The following RBFOX3 variants were observed in gnomAD, a reference collection of about 807,000 sequenced individuals.
RBFOX3 encodes RNA binding protein fox-1 homolog 3.
A neutral mutation model predicts 48.7 loss-of-function variants in RBFOX3; 17 were observed. The ratio of observed to expected loss-of-function variants is 0.35; its 90% CI spans 0.24 to 0.52. The LOEUF (loss-of-function observed/expected upper bound fraction) is 0.52. Among genes scored for constraint, RBFOX3 ranks in the 20% least tolerant of loss-of-function variants. The pLI is 0.94. For missense variants in RBFOX3, 382 were observed against 497.5 expected, an observed-to-expected ratio of 0.77 and a Z score of 2.21; for synonymous variants, 212 against 209.5, an observed-to-expected ratio of 1.01 and a Z score of -0.10.
At chr17:79,632,741 T>TAA in the RBFOX3 span, among the ~76,000 whole-genome samples, 1,573 of 125,428 alleles carry the variant, frequency 0.013, 10 homozygotes, top group Non-Finnish European at 0.013. Context: ...ACGTATCTAC[T>TAA]AAAAAAAAAA....
intron 1 of RBFOX3, among the ~76,000 whole-genome samples, chr17:79,527,565 T>G (rs1014012001): frequency 1.3e-5 from 2 of 152,126 alleles, no homozygotes; most frequent in Admixed American, 6.5e-5. Flanking sequence ...GTGCCTCTGT[T>G]TCCCAACCCA....
In RBFOX3 at chr17:79,480,759, G is replaced by A. The variant is rs1386538465; in HGVS notation, c.-175+1695C>T. Among the ~76,000 whole-genome samples the A allele has an allele frequency of 6.6e-6, 1 of 152,128 alleles. No homozygotes were observed. Among genetic ancestry groups the A allele is most frequent in the Admixed American group, 6.5e-5 (1 of 15,272 alleles). On this transcript the variant is annotated intron_variant, in intron 2 of 14. Coordinates refer to ENST00000693108, the MANE Select transcript of RBFOX3 (RefSeq NM_001350451.2). The surrounding 1 kb of genome is among the most constrained non-coding windows in gnomAD (Gnocchi z 4.8). ...TCTTGGCTCACAACATCAGCACCGG[G>A]GCCTGCCCTTCTGTCCTGGGCAACT...
chr17:79,507,079 G>A (rs71387929), intron 1 of RBFOX3, among the ~76,000 whole-genome samples: 39,727 of 152,132 alleles, frequency 0.26, 5,438 homozygotes, highest in African/African-American at 0.32. Flanking sequence ...GCAGGAGAGC[G>A]GAGGAGCCTG....
intron 2 of RBFOX3, among the ~76,000 whole-genome samples, chr17:79,429,938 T>C (rs2068102173): frequency 6.6e-6 from 1 of 152,140 alleles, no homozygotes; most frequent in South Asian, 2.1e-4. Context: ...GTCCTTGACC[T>C]CTGCGAATCC....
At position 79,547,298 on chromosome 17, in the gene RBFOX3, T is replaced by C. The variant is rs540619271; in HGVS notation, c.-320+63528A>G. On this transcript the variant is annotated intron_variant, in intron 1 of 14. Transcript: ENST00000693108. Reference sequence around the variant, plus strand: ...TCCGTCTCTACTAAAACTACAAAAATTAGCCAGGCGTGGTGGCATGGTGGC... The same window carrying C: ...TCCGTCTCTACTAAAACTACAAAAACTAGCCAGGCGTGGTGGCATGGTGGC... Among the ~76,000 whole-genome samples, 8 of 152,072 alleles carry C rather than the reference T, an allele frequency of 5.3e-5. No homozygotes were observed. In the East Asian group the frequency reaches 1.6e-3, roughly 30 times the overall value.
Position 79,095,592 on chromosome 17 carries a change from G to C in RBFOX3, c.937-18C>G. 6.5e-7 allele frequency: 1 copy of C among 1,550,152 alleles called. No individual in the cohort carries two copies. On this transcript the variant is annotated intron_variant, in intron 12 of 14. Transcript: ENST00000693108. The stretch of plus-strand genomic sequence containing the variant: ...TAGCCTCCCTGCAGGGTAAGTGGGA[G>C]GAGAGAGAGCAGAGGGACTTAGTGG...
the RBFOX3 span, among the ~76,000 whole-genome samples, chr17:79,631,630 C>T: frequency 6.6e-6 from 1 of 152,220 alleles, no homozygotes. Flanking sequence ...GTTCTCAAGG[C>T]ACCGAGGAAG....
In RBFOX3 at chr17:79,594,886, T is replaced by C. The variant is rs898248280; in HGVS notation, c.-320+15940A>G. 6.7e-4 allele frequency among the ~76,000 whole-genome samples: 102 copies of C among 152,226 alleles called. No individual in the cohort carries two copies. In the East Asian group the frequency reaches 0.016, roughly 24 times the overall value. ...GGAAGCCACCCTCAGAAGCCTCCAC[T>C]GGGAATTTCTGAGTTTTCACGTGTG... is the stretch of plus-strand genomic sequence containing the variant. On this transcript the variant is annotated intron_variant, in intron 1 of 14. Transcript: ENST00000693108.
At chr17:79,396,244 G>A (rs1158470187) in intron 2 of RBFOX3, among the ~76,000 whole-genome samples, 1 of 152,212 alleles carries the variant, frequency 6.6e-6, no homozygotes, top group African/African-American at 2.4e-5. Context: ...AATTTGGACT[G>A]GGCAGAGCCG....
intron 3 of RBFOX3, among the ~76,000 whole-genome samples, chr17:79,265,664 G>T (rs2066566873): frequency 6.6e-6 from 1 of 152,194 alleles, no homozygotes; most frequent in South Asian, 2.1e-4. Flanking sequence ...TCCAGAAAGG[G>T]CTTAGTTTCC....
At chr17:79,490,425 G>A (rs916500708) in intron 1 of RBFOX3, among the ~76,000 whole-genome samples, 1 of 152,182 alleles carries the variant, frequency 6.6e-6, no homozygotes, top group Non-Finnish European at 1.5e-5. Flanking sequence ...TGCCTGACCC[G>A]GGTTCAGTGG....
intron 3 of RBFOX3, among the ~76,000 whole-genome samples, chr17:79,270,513 A>G (rs1162366673): frequency 6.6e-6 from 1 of 152,016 alleles, no homozygotes; most frequent in Non-Finnish European, 1.5e-5. Context: ...GTCCTTTCCT[A>G]TTATTTAATA....
At position 79,495,838 on chromosome 17, in the gene RBFOX3, G is replaced by A. The variant is rs1025641908; in HGVS notation, c.-319-13240C>T. Among the ~76,000 whole-genome samples the A allele has an allele frequency of 1.5e-4, 22 of 151,612 alleles. 1 individual carries two copies. Among genetic ancestry groups the A allele is most frequent in the Admixed American group, 2.6e-4 (4 of 15,238 alleles). On this transcript the variant is annotated intron_variant, in intron 1 of 14. Coordinates refer to ENST00000693108, the MANE Select transcript of RBFOX3 (RefSeq NM_001350451.2). Reference sequence around the variant, plus strand: ...GCAGAAGGTGGTTGGGGGTGTAGGCGGTGGACGGGGTGGAGGTTAAGGCAG... The same window carrying A: ...GCAGAAGGTGGTTGGGGGTGTAGGCAGTGGACGGGGTGGAGGTTAAGGCAG...
Position 79,403,986 on chromosome 17 carries a change from A to G in RBFOX3, c.-175+78468T>C, listed in dbSNP as rs148336688. On this transcript the variant is annotated intron_variant, in intron 2 of 14. Coordinates refer to ENST00000693108, the MANE Select transcript of RBFOX3 (RefSeq NM_001350451.2). The stretch of plus-strand genomic sequence containing the variant: ...GTAGAGACGGGGTTTCACCATGTTA[A>G]CCAGGATGGTCTTGATCTCCTGACC... Among the ~76,000 whole-genome samples the G allele has an allele frequency of 1.5e-3, 229 of 151,840 alleles. 2 individuals are homozygous for G. The highest frequency in any genetic ancestry group is 1.9e-3 in the African/African-American group (78 of 41,424).
At chr17:79,380,311 C>T (rs185602229) in intron 2 of RBFOX3, among the ~76,000 whole-genome samples, 41 of 152,380 alleles carry the variant, frequency 2.7e-4, no homozygotes, top group Middle Eastern at 3.4e-3. Context: ...AATTCAACTA[C>T]GGCTCTGCCT....
chr17:79,459,775 G>A (rs1555747575), intron 2 of RBFOX3, among the ~76,000 whole-genome samples: 3 of 152,184 alleles, frequency 2.0e-5, no homozygotes, highest in African/African-American at 7.2e-5. Flanking sequence ...GGGGATTTAA[G>A]AGTGAGGGGT....
rs562418257 is a variant in RBFOX3, at chr17:79,214,089, T to C, written c.-34+21677A>G. ...CTCGCATGGCGCCGCCCAGCTCTGG[T>C]AGGAGGGACTGAAATAAATGGAGTC... On this transcript the variant is annotated intron_variant, in intron 4 of 14. Transcript: ENST00000693108. This position sits in a 1 kb window ranked among gnomAD's most constrained non-coding sequence, Gnocchi z 4.7. Among the ~76,000 whole-genome samples the C allele has an allele frequency of 7.2e-5, 11 of 152,218 alleles. No homozygotes were observed. Among genetic ancestry groups the C allele is most frequent in the African/African-American group, 2.6e-4 (11 of 41,534 alleles).
the RBFOX3 span, among the ~76,000 whole-genome samples, chr17:79,664,038 C>T: frequency 2.6e-5 from 4 of 152,284 alleles, no homozygotes; most frequent in South Asian, 6.2e-4. Context: ...AAAAAGCCTC[C>T]GTGTTTGTCT....
rs8066839 is a variant in RBFOX3, at chr17:79,243,615, T to A, written c.-73-7810A>T. ...AGGTGGGAGGGTGTGGGGAAGGTGC[T>A]GGCTTTGCATGAGCGGAACTTAGCG... On this transcript the variant is annotated intron_variant, in intron 3 of 14. Transcript: ENST00000693108. The surrounding 1 kb of genome is among the most constrained non-coding windows in gnomAD (Gnocchi z 7.9). 0.035 allele frequency among the ~76,000 whole-genome samples: 5,251 copies of A among 152,138 alleles called. 153 individuals carry two copies. The highest frequency in any genetic ancestry group is 0.076 in the South Asian group (367 of 4,818).
Sources: allele counts gnomAD v4.1 joint callset (sites outside exome capture counted in the v4.1 genomes callset), GRCh38; gene constraint gnomAD v4.1.1; non-coding constraint Gnocchi (gnomAD v3.1); transcripts MANE v1.5; gene names NCBI Gene and HGNC (gene_info 2026-07-23, HGNC 2026-07-21).